Variants in CDH13 observed in about 807,000 individuals in gnomAD.
CDH13 encodes cadherin-13.
Under a neutral mutation model 63.8 loss-of-function variants are expected in CDH13, and 24 were observed. The observed-to-expected ratio is 0.38, with a 90% confidence interval of 0.27 to 0.53. The LOEUF (loss-of-function observed/expected upper bound fraction) is 0.53. CDH13 is among the 20% of genes least tolerant of loss of function. The probability of loss-of-function intolerance (pLI) is 0.85; values close to 1 mark genes in which losing one functional copy is unlikely to be tolerated. For missense variants in CDH13, 1,049 were observed against 903.1 expected, an observed-to-expected ratio of 1.16 and a Z score of -2.07; for synonymous variants, 503 against 355.3, an observed-to-expected ratio of 1.42 and a Z score of -4.67.
At chr16:82,966,143 TTTTGTTTG>T (rs535597691) in intron 2 of CDH13, among the ~76,000 whole-genome samples, 3 of 152,038 alleles carry the variant, frequency 2.0e-5, no homozygotes, top group African/African-American at 4.8e-5. Context: ...TTTTTCCTAT[TTTTGTTTG>T]TTTGTTTGTT....
intron 2 of CDH13, among the ~76,000 whole-genome samples, chr16:82,942,862 C>T (rs1011428127): frequency 6.6e-6 from 1 of 152,174 alleles, no homozygotes; most frequent in Non-Finnish European, 1.5e-5. Context: ...CCTGTAGGTA[C>T]AAATGCTCAA....
intron 5 of CDH13, among the ~76,000 whole-genome samples, chr16:83,232,114 C>A (rs2040013086): frequency 6.6e-6 from 1 of 150,958 alleles, no homozygotes; most frequent in African/African-American, 2.4e-5. Flanking sequence ...GGCTTAATAC[C>A]TGATTGATGA....
At chr16:82,979,358 TA>T (rs1405902160) in intron 2 of CDH13, among the ~76,000 whole-genome samples, 1 of 151,624 alleles carries the variant, frequency 6.6e-6, no homozygotes, top group African/African-American at 2.4e-5. Context: ...TTTTGGAGAG[TA>T]GGGGCAGAGT....
intron 8 of CDH13, among the ~76,000 whole-genome samples, chr16:83,632,273 TCCTACAGTGAAA>T (rs754850749): frequency 0.87 from 132,532 of 152,024 alleles, 57,848 homozygotes; most frequent in Middle Eastern, 0.96. Flanking sequence ...TAGAGACGTG[TCCTACAGTGAAA>T]TTAGAGATGA....
chr16:82,987,203 C>T (rs1911051976), intron 2 of CDH13, among the ~76,000 whole-genome samples: 1 of 152,158 alleles, frequency 6.6e-6, no homozygotes, highest in African/African-American at 2.4e-5. Flanking sequence ...TTCAACTTCC[C>T]TGTCTTCTTT....
chr16:83,035,596 T>G (rs965678487), intron 3 of CDH13, among the ~76,000 whole-genome samples: 1 of 152,184 alleles, frequency 6.6e-6, no homozygotes, highest in Non-Finnish European at 1.5e-5. Flanking sequence ...GAAGTGAGAC[T>G]TGAGCCTGGG....
At chr16:82,936,657 G>T (rs1197324629) in intron 2 of CDH13, among the ~76,000 whole-genome samples, 1 of 152,162 alleles carries the variant, frequency 6.6e-6, no homozygotes, top group African/African-American at 2.4e-5. Context: ...GAGTGGTGAT[G>T]CTACTTTAGA....
intron 2 of CDH13, among the ~76,000 whole-genome samples, chr16:82,866,226 T>A (rs2040132524): frequency 6.6e-6 from 1 of 152,140 alleles, no homozygotes; most frequent in African/African-American, 2.4e-5. Flanking sequence ...CACATCTTCC[T>A]GTCTTCCTCT....
chr16:82,690,259 G>C (rs1295757183), intron 1 of CDH13, among the ~76,000 whole-genome samples: 1 of 151,710 alleles, frequency 6.6e-6, no homozygotes, highest in Non-Finnish European at 1.5e-5. Flanking sequence ...AGAATGGTGA[G>C]ACAACCAGTG....
intron 9 of CDH13, 93 bp downstream of exon 9, chr16:83,671,065 G>C: frequency 9.1e-7 from 1 of 1,103,296 alleles, no homozygotes. Context: ...GAAGGCCACA[G>C]ATAAATTCCC....
chr16:83,088,488 T>C (rs1394739151), intron 3 of CDH13, among the ~76,000 whole-genome samples: 1 of 152,200 alleles, frequency 6.6e-6, no homozygotes, highest in Non-Finnish European at 1.5e-5. Context: ...TTTAGTTACA[T>C]ACTGCTGCTC....
chr16:83,214,932 T>C (rs1597530830), intron 4 of CDH13, among the ~76,000 whole-genome samples: 1 of 152,156 alleles, frequency 6.6e-6, no homozygotes, highest in East Asian at 1.9e-4. Flanking sequence ...AGGGATCCAA[T>C]GGTGAGCCCA....
At chr16:83,436,088 A>AAAGGGCAGCACCCGTAC (rs2072292615) in intron 6 of CDH13, among the ~76,000 whole-genome samples, 1 of 152,210 alleles carries the variant, frequency 6.6e-6, no homozygotes, top group South Asian at 2.1e-4. Flanking sequence ...CCTGTAGTGC[A>AAAGGGCAGCACCCGTAC]AAGGGCAGCA....
At chr16:82,932,320 T>C (rs1306127971) in intron 2 of CDH13, among the ~76,000 whole-genome samples, 2 of 152,220 alleles carry the variant, frequency 1.3e-5, no homozygotes, top group Non-Finnish European at 2.9e-5. Flanking sequence ...TTGTTTGCTT[T>C]GAAATCCTAA....
intron 11 of CDH13, among the ~76,000 whole-genome samples, chr16:83,751,257 G>A (rs138869517): frequency 4.6e-5 from 7 of 152,220 alleles, no homozygotes; most frequent in Non-Finnish European, 8.8e-5. Context: ...CATGGACTTT[G>A]GCCTTGAAAA....
chr16:83,330,936 T>C (rs1020000469), intron 5 of CDH13, among the ~76,000 whole-genome samples: 19 of 152,348 alleles, frequency 1.2e-4, no homozygotes, highest in African/African-American at 4.3e-4. Flanking sequence ...TGTTTCTCTC[T>C]CTTTAGGCAA....
chr16:83,653,108 G>A (rs905794579), intron 8 of CDH13, among the ~76,000 whole-genome samples: 1 of 152,260 alleles, frequency 6.6e-6, no homozygotes, highest in Middle Eastern at 3.4e-3. Flanking sequence ...GGAGATCTCC[G>A]GGGACAGAAA....
At chr16:83,694,381 A>C (rs1312686436) in intron 10 of CDH13, among the ~76,000 whole-genome samples, 1 of 152,192 alleles carries the variant, frequency 6.6e-6, no homozygotes, top group Admixed American at 6.5e-5. Context: ...CACTGCACAA[A>C]ACAGGGTTTT....
intron 6 of CDH13, among the ~76,000 whole-genome samples, chr16:83,385,737 C>T (rs1597889482): frequency 6.6e-6 from 1 of 152,090 alleles, no homozygotes; most frequent in African/African-American, 2.4e-5. Flanking sequence ...ACAGGAGAGG[C>T]TGGAGAATAT....
Sources: allele counts gnomAD v4.1 joint callset (sites outside exome capture counted in the v4.1 genomes callset), GRCh38; gene constraint gnomAD v4.1.1; transcripts MANE v1.5; gene names NCBI Gene and HGNC (gene_info 2026-07-23, HGNC 2026-07-21).